JAK1: variants seen among roughly 807,000 people sequenced by gnomAD.
The protein encoded by JAK1 is Janus kinase 1.
A neutral mutation model predicts 136.6 loss-of-function variants in JAK1; 16 were observed. The ratio of observed to expected loss-of-function variants is 0.12; its 90% CI spans 0.08 to 0.18. The LOEUF is 0.18. Among genes scored for constraint, JAK1 ranks in the 10% least tolerant of loss-of-function variants. The pLI is 1.00. For missense variants in JAK1, 859 were observed against 1,450.1 expected, an observed-to-expected ratio of 0.59 and a Z score of 6.62; for synonymous variants, 492 against 519.5, an observed-to-expected ratio of 0.95 and a Z score of 0.72.
At chr1:64,951,908 C>T (rs970235935) in intron 1 of JAK1, among the ~76,000 whole-genome samples, 2 of 152,018 alleles carry the variant, frequency 1.3e-5, no homozygotes, top group Non-Finnish European at 2.9e-5. Flanking sequence ...CCGCCCGCCT[C>T]GGCCTCCCAA....
chr1:64,940,851 A>G (rs530894178), intron 1 of JAK1, among the ~76,000 whole-genome samples: 1 of 152,058 alleles, frequency 6.6e-6, no homozygotes, highest in East Asian at 1.9e-4. Context: ...ATATTTTCGG[A>G]TTTTTTCATT....
At chr1:65,014,180 G>T (rs2100776922) in intron 2 of JAK1, among the ~76,000 whole-genome samples, 1 of 152,212 alleles carries the variant, frequency 6.6e-6, no homozygotes, top group African/African-American at 2.4e-5. Context: ...GATAGAGTGA[G>T]AAAGTCTAAC....
At chr1:64,918,459 T>C (rs1645437006) in intron 1 of JAK1, 1 of 152,834 alleles carries the variant, frequency 6.5e-6, no homozygotes, top group African/African-American at 2.4e-5. Context: ...ACCAGGTCCT[T>C]GGTCAGGCCA....
Position 65,056,581 on chromosome 1 carries a change from A to C in JAK1, c.-181+11023T>G, listed in dbSNP as rs562609420. ...ATAATACACCTGACCCATATCTAAG[A>C]CATGCAGTTGGCAGGGCTGATAGTA... is the stretch of plus-strand genomic sequence containing the variant. On this transcript the variant is annotated intron_variant, in intron 1 of 25. Transcript: ENST00000671954. Among the ~76,000 whole-genome samples the C allele has an allele frequency of 4.6e-5, 7 of 152,274 alleles. No homozygotes were observed. The East Asian group carries it at 1.4e-3, about 29-fold the overall frequency.
intron 2 of JAK1, among the ~76,000 whole-genome samples, chr1:65,004,313 G>A (rs1646786479): frequency 6.6e-6 from 1 of 152,190 alleles, no homozygotes; most frequent in African/African-American, 2.4e-5. Flanking sequence ...AACAGAATAA[G>A]CAAAACAGTG....
intron 2 of JAK1, among the ~76,000 whole-genome samples, chr1:64,988,533 C>T (rs1646621261): frequency 6.6e-6 from 1 of 151,974 alleles, no homozygotes; most frequent in African/African-American, 2.4e-5. Flanking sequence ...CTTCTTCAGA[C>T]TCTGGAAAAA....
chr1:64,886,735 C>A (rs1211432418), intron 1 of JAK1, among the ~76,000 whole-genome samples: 4 of 147,304 alleles, frequency 2.7e-5, no homozygotes, highest in Non-Finnish European at 4.5e-5. Flanking sequence ...TAGAATTACC[C>A]CGCCCCAACC....
At chr1:64,940,658 C>T (rs970240104) in intron 1 of JAK1, among the ~76,000 whole-genome samples, 10 of 152,134 alleles carry the variant, frequency 6.6e-5, no homozygotes, top group East Asian at 5.8e-4. Context: ...GAGGTTAAGA[C>T]GGGTTTACTG....
chr1:64,988,615 G>T (rs370503149), intron 2 of JAK1, among the ~76,000 whole-genome samples: 5 of 152,260 alleles, frequency 3.3e-5, no homozygotes, highest in African/African-American at 1.2e-4. Context: ...TGCAGTGGTG[G>T]CTCATGCCTG....
At chr1:64,876,185 G>C (rs1371539023) in intron 4 of JAK1, 1 of 152,212 alleles carries the variant, frequency 6.6e-6, no homozygotes, top group Admixed American at 6.5e-5. Context: ...GAGGTGGCAG[G>C]AGGGGAAAAG....
At chr1:64,913,703 A>AAGGAAGGAAGGAAGGAAG (rs1306900538) in intron 1 of JAK1, among the ~76,000 whole-genome samples, 6 of 13,682 alleles carry the variant, frequency 4.4e-4, no homozygotes, top group Admixed American at 3.5e-3. Context: ...AAGGAAGGAA[A>AAGGAAGGAAGGAAGGAAG]GAAGGGAGGG....
chr1:65,017,798 A>C (rs116248679), intron 2 of JAK1, among the ~76,000 whole-genome samples: 1,653 of 152,030 alleles, frequency 0.011, 23 homozygotes, highest in African/African-American at 0.037. Context: ...AGTGGAAAAA[A>C]TTTTTAATTG....
At chr1:65,062,981 G>A (rs896637207) in intron 1 of JAK1, among the ~76,000 whole-genome samples, 3 of 152,180 alleles carry the variant, frequency 2.0e-5, no homozygotes, top group Non-Finnish European at 2.9e-5. Flanking sequence ...GGATAGCACC[G>A]AATAGCTCCT....
chr1:64,860,509 A>T (rs980145759), intron 8 of JAK1, among the ~76,000 whole-genome samples: 1 of 151,718 alleles, frequency 6.6e-6, no homozygotes, highest in Non-Finnish European at 1.5e-5. Context: ...GCTGGAGTGC[A>T]GTGGTGAGAT....
chr1:64,983,147 G>A (rs1646565220), intron 2 of JAK1, among the ~76,000 whole-genome samples: 1 of 152,052 alleles, frequency 6.6e-6, no homozygotes, highest in Admixed American at 6.5e-5. Flanking sequence ...AGGAAAAAGG[G>A]GGCTGTGGGA....
At chr1:64,995,617 A>G (rs571930648) in intron 2 of JAK1, among the ~76,000 whole-genome samples, 4 of 152,326 alleles carry the variant, frequency 2.6e-5, no homozygotes, top group Non-Finnish European at 4.4e-5. Context: ...TTCCCCTAAT[A>G]CTTGAGCTTT....
At chr1:64,934,540 G>T (rs1023008738) in intron 1 of JAK1, among the ~76,000 whole-genome samples, 2 of 152,142 alleles carry the variant, frequency 1.3e-5, no homozygotes, top group African/African-American at 4.8e-5. Context: ...GAAATGAGAG[G>T]GGCGAGAAGC....
intron 1 of JAK1, among the ~76,000 whole-genome samples, chr1:64,943,058 G>A (rs1645919391): frequency 6.6e-6 from 1 of 152,072 alleles, no homozygotes; most frequent in South Asian, 2.1e-4. Flanking sequence ...TTTGGCTAAT[G>A]GGAAATAACT....
intron 1 of JAK1, among the ~76,000 whole-genome samples, chr1:64,916,282 A>G (rs1645394196): frequency 6.6e-6 from 1 of 152,206 alleles, no homozygotes. Flanking sequence ...TCAAGAATAA[A>G]ATGTTTCTTT....
Sources: gnomAD v4.1 joint callset for allele counts (sites outside exome capture counted in the v4.1 genomes callset) on GRCh38, gnomAD v4.1.1 for gene constraint, MANE v1.5 for transcripts, NCBI Gene and HGNC (gene_info 2026-07-23, HGNC 2026-07-21) for gene names.